LYPLAL1: variants seen among roughly 807,000 people sequenced by gnomAD.
LYPLAL1 encodes lysophospholipase like 1.
LYPLAL1 carries 23 observed loss-of-function variants against 19.7 expected under a neutral mutation model. The ratio of observed to expected loss-of-function variants is 1.17; its 90% CI spans 0.84 to 1.65. LYPLAL1 has a LOEUF of 1.65. Among genes scored for constraint, LYPLAL1 ranks in the 40% most tolerant of loss-of-function variants. LYPLAL1 has a pLI of 0.00. For synonymous variants in LYPLAL1, 119 were observed against 96.3 expected (o/e 1.24, Z -1.38); for missense variants, 355 against 279.4 (o/e 1.27, Z -1.93).
the LYPLAL1 span, among the ~76,000 whole-genome samples, chr1:219,333,186 A>G: frequency 2.6e-5 from 4 of 152,066 alleles, no homozygotes; most frequent in Non-Finnish European, 5.9e-5. Flanking sequence ...TATTTCAAGG[A>G]TGACTAACTA....
At chr1:219,375,490 TAAAAAAAAAAAAA>T in the LYPLAL1 span, among the ~76,000 whole-genome samples, 10 of 37,466 alleles carry the variant, frequency 2.7e-4, no homozygotes, top group South Asian at 2.2e-3. Context: ...AAACTCCTTC[TAAAAAAAAAAAAA>T]AAAAAAAAAA....
chr1:219,182,932 C>T (rs928630203), intron 2 of LYPLAL1, among the ~76,000 whole-genome samples: 2 of 151,810 alleles, frequency 1.3e-5, no homozygotes, highest in African/African-American at 4.8e-5. Context: ...TGTGGCTTTA[C>T]CCAAGCCAGT....
At chr1:219,276,897 C>T in the LYPLAL1 span, among the ~76,000 whole-genome samples, 2 of 152,128 alleles carry the variant, frequency 1.3e-5, no homozygotes, top group East Asian at 1.9e-4. Flanking sequence ...GTTATTGTCC[C>T]GATGGTAGGA....
the LYPLAL1 span, among the ~76,000 whole-genome samples, chr1:219,330,349 T>C: frequency 2.0e-5 from 3 of 152,296 alleles, no homozygotes; most frequent in African/African-American, 7.2e-5. Flanking sequence ...GCAAAAAATA[T>C]TTTAAATCCA....
chr1:219,395,400 T>C, the LYPLAL1 span, among the ~76,000 whole-genome samples: 1 of 152,222 alleles, frequency 6.6e-6, no homozygotes, highest in Non-Finnish European at 1.5e-5. Context: ...TTTTCTCATA[T>C]GCTTGTTGGC....
At chr1:219,210,689 A>G (rs1658960501) in intron 4 of LYPLAL1, 42 bp downstream of exon 4, 3 of 1,561,346 alleles carry the variant, frequency 1.9e-6, no homozygotes, top group African/African-American at 1.4e-5. Flanking sequence ...AATATGAAAT[A>G]TATACATGTT....
chr1:219,220,876 G>C, the LYPLAL1 span, among the ~76,000 whole-genome samples: 1 of 152,206 alleles, frequency 6.6e-6, no homozygotes, highest in East Asian at 1.9e-4. Flanking sequence ...TGTTGTGCCC[G>C]GAGTAAACTT....
At chr1:219,437,131 A>T in the LYPLAL1 span, 1 of 152,246 alleles carries the variant, frequency 6.6e-6, no homozygotes, top group Non-Finnish European at 1.5e-5. Context: ...TCCTCCTCCC[A>T]TTCAAATACT....
the LYPLAL1 span, among the ~76,000 whole-genome samples, chr1:219,384,123 A>T: frequency 6.6e-6 from 1 of 152,232 alleles, no homozygotes; most frequent in Non-Finnish European, 1.5e-5. Context: ...TCAAAGTTAG[A>T]AATGCGAACA....
At chr1:219,421,535 T>G in the LYPLAL1 span, among the ~76,000 whole-genome samples, 4 of 152,232 alleles carry the variant, frequency 2.6e-5, no homozygotes, top group Admixed American at 2.0e-4. Flanking sequence ...TGAGCAATGC[T>G]TATGCTGTGT....
chr1:219,395,900 G>A, the LYPLAL1 span, among the ~76,000 whole-genome samples: 37 of 152,034 alleles, frequency 2.4e-4, no homozygotes, highest in African/African-American at 7.2e-4. Context: ...TCAGGAGATC[G>A]AGACCATCCT....
chr1:219,254,871 A>C, the LYPLAL1 span, among the ~76,000 whole-genome samples: 1 of 151,970 alleles, frequency 6.6e-6, no homozygotes, highest in African/African-American at 2.4e-5. Context: ...ATATTTTCCA[A>C]GTTGTCTGCC....
chr1:219,370,563 T>G, the LYPLAL1 span, among the ~76,000 whole-genome samples: 2 of 152,174 alleles, frequency 1.3e-5, no homozygotes, highest in Non-Finnish European at 2.9e-5. Flanking sequence ...AGCAGGAAAG[T>G]GCTAACTGCA....
the LYPLAL1 span, among the ~76,000 whole-genome samples, chr1:219,428,912 T>C: frequency 6.6e-6 from 1 of 151,332 alleles, no homozygotes; most frequent in African/African-American, 2.4e-5. Flanking sequence ...CAGACTATTA[T>C]AGCAGGGTGA....
the LYPLAL1 span, among the ~76,000 whole-genome samples, chr1:219,282,938 T>G: frequency 5.9e-5 from 9 of 152,162 alleles, no homozygotes; most frequent in Admixed American, 5.9e-4. Context: ...GGAATGAAAG[T>G]TATCATTCTA....
the LYPLAL1 span, among the ~76,000 whole-genome samples, chr1:219,418,166 A>C: frequency 1.3e-5 from 2 of 152,366 alleles, no homozygotes; most frequent in African/African-American, 2.4e-5. Flanking sequence ...CCACAAGTTA[A>C]AACCTCGAAA....
the LYPLAL1 span, among the ~76,000 whole-genome samples, chr1:219,235,616 T>G: frequency 6.6e-6 from 1 of 152,300 alleles, no homozygotes; most frequent in African/African-American, 2.4e-5. Flanking sequence ...CGTACGCACA[T>G]ATAGGGTGTA....
chr1:219,311,978 G>T, the LYPLAL1 span, among the ~76,000 whole-genome samples: 2 of 152,160 alleles, frequency 1.3e-5, no homozygotes, highest in African/African-American at 4.8e-5. Context: ...CCCGTTGGAA[G>T]GTTACAGTGG....
At chr1:219,297,041 C>T in the LYPLAL1 span, among the ~76,000 whole-genome samples, 2 of 152,140 alleles carry the variant, frequency 1.3e-5, no homozygotes, top group East Asian at 1.9e-4. Flanking sequence ...GGTGGAATTC[C>T]TTCATATAAA....
Sources: gnomAD v4.1 joint callset for allele counts (sites outside exome capture counted in the v4.1 genomes callset) on GRCh38, gnomAD v4.1.1 for gene constraint, MANE v1.5 for transcripts, NCBI Gene and HGNC (gene_info 2026-07-23, HGNC 2026-07-21) for gene names.